SCIMP: variants seen among roughly 807,000 people sequenced by gnomAD.
SCIMP encodes SLP adaptor and CSK interacting membrane protein, also known as SLP adapter and CSK-interacting membrane protein.
A neutral mutation model predicts 22.0 loss-of-function variants in SCIMP; 18 were observed. The ratio of observed to expected loss-of-function variants is 0.82; its 90% CI spans 0.56 to 1.21. The LOEUF is 1.21. SCIMP is among the 50% of genes most tolerant of loss of function. The pLI is 0.00. For synonymous variants in SCIMP, 53 were observed against 62.2 expected (o/e 0.85, Z 0.70); for missense variants, 155 against 171.2 (o/e 0.91, Z 0.53).
At chr17:5,221,167 C>T (rs2439945) in intron 3 of SCIMP, 120 bp downstream of exon 3, 130,904 of 796,588 alleles carry the variant, frequency 0.16, 11,771 homozygotes, top group Non-Finnish European at 0.2. Flanking sequence ...TGTGAAGTCT[C>T]GCCAGCTCTA....
At chr17:5,220,622 T>G (rs1365908684) in intron 3 of SCIMP, among the ~76,000 whole-genome samples, 1 of 151,916 alleles carries the variant, frequency 6.6e-6, no homozygotes, top group Non-Finnish European at 1.5e-5. Context: ...CGTGTGCCTG[T>G]AATCTCAGCT....
chr17:5,227,292 A>AACACACACACAC (rs10681110), intron 1 of SCIMP, among the ~76,000 whole-genome samples: 17,342 of 144,104 alleles, frequency 0.12, 1,093 homozygotes, highest in African/African-American at 0.14. Context: ...ACACACACAC[A>AACACACACACAC]ACACACACAC....
intron 1 of SCIMP, among the ~76,000 whole-genome samples, chr17:5,232,792 C>T (rs113996270): frequency 0.019 from 2,914 of 152,012 alleles, 109 homozygotes; most frequent in African/African-American, 0.066. Context: ...CTCACTGCAA[C>T]CTCTACTTCC....
intron 3 of SCIMP, chr17:5,221,013 G>A (rs1211299666): frequency 1.1e-5 from 6 of 533,980 alleles, no homozygotes; most frequent in Admixed American, 5.1e-5. Context: ...AGCCGAGATC[G>A]TGCCAATGCA....
At chr17:5,226,794 C>G (rs898812186) in intron 1 of SCIMP, among the ~76,000 whole-genome samples, 2 of 152,102 alleles carry the variant, frequency 1.3e-5, no homozygotes, top group Non-Finnish European at 2.9e-5. Context: ...CAGGCATGAG[C>G]CACCACGCCC....
chr17:5,231,829 C>T (rs140201660), intron 1 of SCIMP, among the ~76,000 whole-genome samples: 7,859 of 152,070 alleles, frequency 0.052, 289 homozygotes, highest in East Asian at 0.16. Flanking sequence ...CTGAGGCGGG[C>T]GGATCACGAG....
In SCIMP at chr17:5,210,792, A is replaced by G. The variant is rs2074520603; in HGVS notation, c.*9T>C. On this transcript the variant is annotated 3_prime_UTR_variant, in exon 5 of 5. Transcript: ENST00000574081. ...TCTTCAGTTTTGCCAAAAAGAAGAA[A>G]TGGCTGTTTCAAAATGATGCTTTTT... is the stretch of plus-strand genomic sequence containing the variant. The G allele has an allele frequency of 6.2e-7, 1 of 1,602,638 alleles. No individual in the cohort carries two copies. The highest frequency in any genetic ancestry group is 1.1e-5 in the South Asian group (1 of 88,090).
intron 3 of SCIMP, among the ~76,000 whole-genome samples, chr17:5,220,045 A>G (rs146538697): frequency 2.0e-5 from 3 of 152,300 alleles, no homozygotes; most frequent in African/African-American, 4.8e-5. Context: ...GTTGAGCAAA[A>G]TCGCTTTTCT....
At chr17:5,219,976 C>T (rs2144321415) in intron 3 of SCIMP, among the ~76,000 whole-genome samples, 1 of 152,278 alleles carries the variant, frequency 6.6e-6, no homozygotes, top group Middle Eastern at 3.4e-3. Context: ...CCCCACACTC[C>T]ATCACTTTTT....
chr17:5,221,262 A>T, intron 3 of SCIMP, 25 bp downstream of exon 3: 2 of 1,576,400 alleles, frequency 1.3e-6, no homozygotes, highest in Middle Eastern at 1.7e-4. Flanking sequence ...AACAGTAAAA[A>T]GCGGAAGGAT....
At chr17:5,215,099 T>C (rs953658728) in intron 3 of SCIMP, 101 bp from the exon 4 acceptor site, 5 of 767,486 alleles carry the variant, frequency 6.5e-6, no homozygotes, top group Non-Finnish European at 1.2e-5. Context: ...GGGTTGAACA[T>C]TCAAATCTTG....
intron 4 of SCIMP, 132 bp from the exon 5 acceptor site, chr17:5,211,087 G>C (rs2074523084): frequency 4.3e-6 from 6 of 1,404,310 alleles, no homozygotes; most frequent in Non-Finnish European, 5.6e-6. Context: ...CCATTTTACA[G>C]AGGAAATTTA....
chr17:5,232,544 C>T (rs2074710685), intron 1 of SCIMP, among the ~76,000 whole-genome samples: 3 of 150,092 alleles, frequency 2.0e-5, no homozygotes, highest in Non-Finnish European at 2.9e-5. Context: ...TGGACTTCGG[C>T]AGGCCTGGAA....
At chr17:5,216,007 C>A (rs1459213661) in intron 3 of SCIMP, among the ~76,000 whole-genome samples, 5 of 151,294 alleles carry the variant, frequency 3.3e-5, no homozygotes, top group African/African-American at 1.2e-4. Context: ...ATAGGGAGAC[C>A]CTGGGCAACA....
chr17:5,211,937 A>G (rs2074528737), intron 4 of SCIMP, among the ~76,000 whole-genome samples: 1 of 151,986 alleles, frequency 6.6e-6, no homozygotes, highest in Non-Finnish European at 1.5e-5. Flanking sequence ...AATCCCAGCA[A>G]CTCGGGAGGT....
chr17:5,225,745 A>G (rs2074643107), intron 1 of SCIMP, among the ~76,000 whole-genome samples: 1 of 150,880 alleles, frequency 6.6e-6, no homozygotes, highest in Non-Finnish European at 1.5e-5. Context: ...CTGGGCAACA[A>G]GAGCGAGATT....
chr17:5,222,871 G>A (rs966187038), intron 2 of SCIMP, among the ~76,000 whole-genome samples: 1 of 151,934 alleles, frequency 6.6e-6, no homozygotes, highest in African/African-American at 2.4e-5. Context: ...CGCCATTTTG[G>A]CCAGGCTAGT....
At chr17:5,220,831 G>A (rs1056625236) in intron 3 of SCIMP, 4 of 253,962 alleles carry the variant, frequency 1.6e-5, no homozygotes, top group Non-Finnish European at 3.1e-5. Context: ...GCCAAGGTGG[G>A]TGGATCACCT....
intron 1 of SCIMP, among the ~76,000 whole-genome samples, chr17:5,233,112 C>T (rs2074715664): frequency 6.6e-6 from 1 of 152,126 alleles, no homozygotes; most frequent in Non-Finnish European, 1.5e-5. Context: ...ACGGCAGGGT[C>T]ATTAAAAGGA....
Sources: gnomAD v4.1 joint callset for allele counts (sites outside exome capture counted in the v4.1 genomes callset) on GRCh38, gnomAD v4.1.1 for gene constraint, MANE v1.5 for transcripts, NCBI Gene and HGNC (gene_info 2026-07-23, HGNC 2026-07-21) for gene names.